TP63: variants seen among roughly 807,000 people sequenced by gnomAD.
The protein encoded by TP63 is tumor protein 63.
Under a neutral mutation model 82.8 loss-of-function variants are expected in TP63, and 17 were observed. That is an observed-to-expected ratio of 0.21 (90% CI 0.14 to 0.31). The LOEUF (loss-of-function observed/expected upper bound fraction) is 0.31. Among genes scored for constraint, TP63 ranks in the 10% least tolerant of loss-of-function variants. The probability of loss-of-function intolerance (pLI) is 1.00; values close to 1 mark genes in which losing one functional copy is unlikely to be tolerated. For synonymous variants in TP63, 330 were observed against 321.7 expected, an observed-to-expected ratio of 1.03 and a Z score of -0.28; for missense variants, 648 against 895.3, an observed-to-expected ratio of 0.72 and a Z score of 3.52.
chr3:189,860,968 C>A (rs1716959777), intron 4 of TP63, among the ~76,000 whole-genome samples: 1 of 152,016 alleles, frequency 6.6e-6, no homozygotes, highest in Admixed American at 6.6e-5. Context: ...AACATTGTAC[C>A]CAATAGGTAT....
the TP63 span, among the ~76,000 whole-genome samples, chr3:189,624,441 A>C: frequency 2.0e-4 from 30 of 152,310 alleles, no homozygotes; most frequent in Middle Eastern, 3.4e-3. Flanking sequence ...ATATGTCAAT[A>C]TAGCCTTTAA....
the TP63 span, among the ~76,000 whole-genome samples, chr3:189,614,743 G>A: frequency 1.7e-3 from 266 of 152,306 alleles, no homozygotes; most frequent in South Asian, 7.9e-3. Context: ...AATATAAGAT[G>A]TGGGGGCAGA....
At chr3:189,850,285 G>T (rs924602963) in intron 4 of TP63, among the ~76,000 whole-genome samples, 14 of 151,226 alleles carry the variant, frequency 9.3e-5, no homozygotes, top group African/African-American at 3.2e-4. Flanking sequence ...CCATCCCCCC[G>T]TACCCCTTCC....
chr3:189,869,523 T>C (rs771204468), intron 9 of TP63, 117 bp downstream of exon 9: 26 of 900,548 alleles, frequency 2.9e-5, no homozygotes, highest in Admixed American at 4.1e-5. Context: ...TCTTAGTCAG[T>C]TGAAGCTGCT....
chr3:189,893,553 G>A (rs1721232579), intron 13 of TP63, among the ~76,000 whole-genome samples: 1 of 152,182 alleles, frequency 6.6e-6, no homozygotes, highest in Non-Finnish European at 1.5e-5. Flanking sequence ...CAGTTGCTCT[G>A]CATTTTGATA....
intron 4 of TP63, among the ~76,000 whole-genome samples, chr3:189,809,075 A>C (rs966248909): frequency 2.1e-4 from 32 of 152,024 alleles, no homozygotes; most frequent in Admixed American, 2.6e-4. Context: ...TGTCTTATAA[A>C]TTACTATTTA....
chr3:189,623,049 C>T, the TP63 span, among the ~76,000 whole-genome samples: 1 of 152,070 alleles, frequency 6.6e-6, no homozygotes, highest in Non-Finnish European at 1.5e-5. Flanking sequence ...TCTCTCTAGC[C>T]CCTCTTTTGT....
At chr3:189,816,382 A>G (rs35446946) in intron 4 of TP63, among the ~76,000 whole-genome samples, 52,489 of 151,984 alleles carry the variant, frequency 0.35, 9,267 homozygotes, top group East Asian at 0.52. Flanking sequence ...AGCTTTGCAC[A>G]TTCTCCTGTT....
intron 1 of TP63, among the ~76,000 whole-genome samples, chr3:189,734,358 G>C (rs187748398): frequency 6.6e-6 from 1 of 152,030 alleles, no homozygotes; most frequent in East Asian, 1.9e-4. Flanking sequence ...TTTTGGAAGA[G>C]ACAGGGTTTC....
At chr3:189,846,269 C>T (rs1714854792) in intron 4 of TP63, among the ~76,000 whole-genome samples, 1 of 152,108 alleles carries the variant, frequency 6.6e-6, no homozygotes, top group Admixed American at 6.5e-5. Flanking sequence ...CCTCCCCTCC[C>T]TCCCAAAGCA....
intron 1 of TP63, among the ~76,000 whole-genome samples, chr3:189,689,353 T>C (rs35718271): frequency 6.6e-6 from 1 of 151,940 alleles, no homozygotes; most frequent in South Asian, 2.1e-4. Flanking sequence ...TGACCTCTGG[T>C]GATCTGCCTA....
intron 1 of TP63, among the ~76,000 whole-genome samples, chr3:189,646,176 T>A (rs1023645844): frequency 1.4e-5 from 2 of 147,238 alleles, no homozygotes; most frequent in Admixed American, 1.3e-4. Context: ...CTATTGAATT[T>A]AAAAACTTGA....
At chr3:189,856,400 C>G (rs1026560028) in intron 4 of TP63, among the ~76,000 whole-genome samples, 3 of 151,344 alleles carry the variant, frequency 2.0e-5, no homozygotes, top group Admixed American at 6.6e-5. Flanking sequence ...TAAGAAGTAC[C>G]TAGAAGAAAC....
intron 1 of TP63, among the ~76,000 whole-genome samples, chr3:189,688,443 C>T (rs535749395): frequency 1.1e-4 from 16 of 152,240 alleles, no homozygotes; most frequent in South Asian, 4.1e-4. Flanking sequence ...GAAGAGGATG[C>T]AGTTCACACA....
intron 1 of TP63, among the ~76,000 whole-genome samples, chr3:189,709,216 A>T (rs143883565): frequency 0.017 from 2,528 of 152,304 alleles, 28 homozygotes; most frequent in Middle Eastern, 0.058. Context: ...GAAATAAATT[A>T]CTACTTTTCC....
chr3:189,676,804 A>G (rs73195971), intron 1 of TP63, among the ~76,000 whole-genome samples: 28,380 of 151,934 alleles, frequency 0.19, 2,720 homozygotes, highest in East Asian at 0.32. Context: ...GCTTTTCATG[A>G]GAATCTAACT....
intron 3 of TP63, among the ~76,000 whole-genome samples, chr3:189,776,422 T>A (rs958798163): frequency 7.9e-5 from 12 of 152,170 alleles, no homozygotes; most frequent in Admixed American, 7.8e-4. Flanking sequence ...TGAATACATG[T>A]ATAGCCCTAG....
chr3:189,758,198 C>T (rs1319548612), intron 3 of TP63, among the ~76,000 whole-genome samples: 1 of 152,196 alleles, frequency 6.6e-6, no homozygotes, highest in Admixed American at 6.5e-5. Flanking sequence ...CTCACGTGAG[C>T]AGTTCACAAC....
chr3:189,880,402 C>A (rs901490426), intron 10 of TP63: 1 of 1,146,314 alleles, frequency 8.7e-7, no homozygotes, highest in Non-Finnish European at 1.1e-6. Flanking sequence ...GATTTTGTAT[C>A]CTTAGACCGG....
Sources: allele counts gnomAD v4.1 joint callset (sites outside exome capture counted in the v4.1 genomes callset), GRCh38; gene constraint gnomAD v4.1.1; transcripts MANE v1.5; gene names NCBI Gene and HGNC (gene_info 2026-07-23, HGNC 2026-07-21).